The following BICRAL variants were observed in gnomAD, a reference collection of about 807,000 sequenced individuals.
The protein encoded by BICRAL is BICRA like chromatin remodeling complex associated protein.
In BICRAL, 8 loss-of-function variants were observed where a neutral mutation model predicts 91.8. The ratio of observed to expected loss-of-function variants is 0.09; its 90% CI spans 0.05 to 0.16. BICRAL has a LOEUF of 0.16. Among genes scored for constraint, BICRAL ranks in the 10% least tolerant of loss-of-function variants. The pLI, the probability that BICRAL is intolerant of heterozygous loss-of-function variation, is 1.00. For missense variants in BICRAL, 1,038 were observed against 1,310.9 expected (o/e 0.79, Z 3.21); for synonymous variants, 445 against 491.1 (o/e 0.91, Z 1.24).
chr6:42,862,475 T>C (rs1034617001), intron 11 of BICRAL, 35 bp from the exon 12 acceptor site: 10 of 1,345,630 alleles, frequency 7.4e-6, no homozygotes, highest in African/African-American at 2.9e-5. Flanking sequence ...TTTTTAAAAA[T>C]TGTCTATGAA....
intron 1 of BICRAL, among the ~76,000 whole-genome samples, chr6:42,757,477 C>G (rs1314252534): frequency 2.0e-5 from 3 of 152,230 alleles, no homozygotes; most frequent in African/African-American, 7.2e-5. Context: ...TGGTCTCGAT[C>G]TCCTGACTTC....
At chr6:42,763,706 A>G (rs1762590313) in intron 1 of BICRAL, among the ~76,000 whole-genome samples, 1 of 152,008 alleles carries the variant, frequency 6.6e-6, no homozygotes. Flanking sequence ...CTGTAATCCC[A>G]GGTACTTGGG....
intron 6 of BICRAL, among the ~76,000 whole-genome samples, chr6:42,845,781 T>C (rs1764988608): frequency 6.6e-6 from 1 of 151,866 alleles, no homozygotes; most frequent in Non-Finnish European, 1.5e-5. Flanking sequence ...TATAGATTCC[T>C]GGCCGGGCGC....
chr6:42,758,712 CAAAAAA>C (rs71758339), intron 1 of BICRAL, among the ~76,000 whole-genome samples: 133 of 103,618 alleles, frequency 1.3e-3, no homozygotes, highest in South Asian at 2.2e-3. Flanking sequence ...TCGGGGGGTC[CAAAAAA>C]AAAAAAAAAA....
chr6:42,837,849 C>G (rs961348337), intron 6 of BICRAL, among the ~76,000 whole-genome samples: 3 of 152,106 alleles, frequency 2.0e-5, no homozygotes, highest in African/African-American at 7.2e-5. Flanking sequence ...CAGTTGCCAT[C>G]AGGCAACCAG....
intron 6 of BICRAL, among the ~76,000 whole-genome samples, chr6:42,832,369 A>T (rs982083711): frequency 2.5e-4 from 37 of 146,870 alleles, no homozygotes; most frequent in African/African-American, 6.7e-4. Flanking sequence ...TATATATATT[A>T]TATATATATG....
At chr6:42,844,508 C>CAAAAAAAAAAAAAAAA (rs34115804) in intron 6 of BICRAL, among the ~76,000 whole-genome samples, 1 of 31,438 alleles carries the variant, frequency 3.2e-5, no homozygotes, top group Admixed American at 6.1e-4. Flanking sequence ...GACTCCATCT[C>CAAAAAAAAAAAAAAAA]AAAAAAAAAA....
chr6:42,794,458 G>A (rs1317671650), intron 1 of BICRAL, among the ~76,000 whole-genome samples: 1 of 137,716 alleles, frequency 7.3e-6, no homozygotes, highest in Non-Finnish European at 1.6e-5. Flanking sequence ...TGTGTGTTTG[G>A]CTATGTACCC....
intron 1 of BICRAL, among the ~76,000 whole-genome samples, chr6:42,808,468 A>G (rs917720656): frequency 2.6e-5 from 4 of 152,142 alleles, no homozygotes; most frequent in Non-Finnish European, 5.9e-5. Context: ...ATGTATACCT[A>G]TTCTCTTGCT....
intron 2 of BICRAL, among the ~76,000 whole-genome samples, chr6:42,812,259 G>A (rs771858771): frequency 2.6e-4 from 40 of 152,080 alleles, no homozygotes; most frequent in Non-Finnish European, 5.0e-4. Context: ...AGGAGTATGA[G>A]ACCAGCCTGG....
Position 42,857,133 on chromosome 6 carries a change from A to G in BICRAL, c.2151A>G (p.Thr717=), listed in dbSNP as rs1765386981. 6.2e-7 allele frequency: 1 copy of G among 1,613,730 alleles called. No individual in the cohort carries two copies. The highest frequency in any genetic ancestry group is 8.5e-7 in the Non-Finnish European group (1 of 1,179,650). The part of the protein sequence containing the change: ...QLQRDQAHTV[T]PDKSHFRSLS... Reference sequence around the variant, plus strand: ...AGAGGGACCAAGCCCACACTGTGACACCAGACAAAAGTCACTTCCGATCAC... The same window carrying G: ...AGAGGGACCAAGCCCACACTGTGACGCCAGACAAAAGTCACTTCCGATCAC... Residue 717 remains threonine (T), a synonymous_variant, in exon 10 of 13, where the codon ACA becomes ACG. Transcript: ENST00000314073.
Position 42,830,065 on chromosome 6 carries a change from C to T in BICRAL, c.1732C>T (p.Pro578Ser), listed in dbSNP as rs1284099500. 2.5e-6 allele frequency: 4 copies of T among 1,614,048 alleles called. No individual in the cohort carries two copies. The highest frequency in any genetic ancestry group is 2.5e-6 in the Non-Finnish European group (3 of 1,180,036). The change falls in exon 6 of 13, where the codon CCA (proline) becomes TCA (serine). Residue 578 changes from proline (P) to serine (S), a missense_variant. Coordinates refer to ENST00000314073, the MANE Select transcript of BICRAL (RefSeq NM_001393499.1). The part of the protein sequence containing the change: ...GDQLTQPNRT[P>S]VPVSVSHRLP... ...TCAGCTGACCCAGCCAAACAGGACTCCAGTACCAGTCAGTGTGTCTCATCG... is the reference window on the plus strand; with the variant it reads ...TCAGCTGACCCAGCCAAACAGGACTTCAGTACCAGTCAGTGTGTCTCATCG...
At chr6:42,815,915 C>T (rs1016131895) in intron 2 of BICRAL, among the ~76,000 whole-genome samples, 1 of 132,880 alleles carries the variant, frequency 7.5e-6, no homozygotes, top group Admixed American at 9.1e-5. Context: ...ACCCGGTAAG[C>T]GGAGGTTGTG....
At chr6:42,781,596 G>GGTGGGT (rs565436259), upstream of BICRAL, among the ~76,000 whole-genome samples, 48 of 103,476 alleles carry the variant, frequency 4.6e-4, no homozygotes, top group Middle Eastern at 4.8e-3. Flanking sequence ...TGGGTGGGTG[G>GGTGGGT]GTGTGTGTGT....
chr6:42,857,614 A>AAAAAAAATATATATATATATAT, intron 10 of BICRAL, among the ~76,000 whole-genome samples: 1 of 96,240 alleles, frequency 1.0e-5, no homozygotes, highest in African/African-American at 6.5e-5. Flanking sequence ...AAAAAAAAAA[A>AAAAAAAATATATATATATATAT]ATATATATAT....
At chr6:42,749,515 A>G (rs764604652) in intron 1 of BICRAL, among the ~76,000 whole-genome samples, 8 of 152,202 alleles carry the variant, frequency 5.3e-5, no homozygotes, top group Non-Finnish European at 7.3e-5. Flanking sequence ...GTACATTTCA[A>G]AATAGCTAGA....
intron 1 of BICRAL, among the ~76,000 whole-genome samples, chr6:42,806,752 C>T (rs1293189549): frequency 6.6e-6 from 1 of 150,866 alleles, no homozygotes; most frequent in Non-Finnish European, 1.5e-5. Context: ...TGAACTCAAG[C>T]GATCTGCTCA....
In BICRAL at chr6:42,760,010, C is replaced by T. The variant is rs146864086; in HGVS notation, c.-261+12987C>T. ...CTGTAATCCCAGCACTTTGGGAGGC[C>T]GGGGCGGGTGGATCACCTGAGGTCA... is the stretch of plus-strand genomic sequence containing the variant. On this transcript the variant is annotated intron_variant, in intron 1 of 14. Coordinates refer to the BICRAL transcript ENST00000614467. Among the ~76,000 whole-genome samples the T allele has an allele frequency of 8.9e-3, 1,346 of 152,048 alleles. 19 individuals are homozygous for T. Among genetic ancestry groups the T allele is most frequent in the African/African-American group, 0.031 (1,276 of 41,468 alleles).
At chr6:42,836,681 G>A (rs1433178422) in intron 6 of BICRAL, among the ~76,000 whole-genome samples, 5 of 149,056 alleles carry the variant, frequency 3.4e-5, no homozygotes, top group Non-Finnish European at 5.9e-5. Flanking sequence ...GAGTGCAGTG[G>A]CACAATCTCA....
Sources: allele counts gnomAD v4.1 joint callset (sites outside exome capture counted in the v4.1 genomes callset), GRCh38; gene constraint gnomAD v4.1.1; transcripts MANE v1.5; gene names NCBI Gene and HGNC (gene_info 2026-07-23, HGNC 2026-07-21).